PARD3: variants seen among roughly 807,000 people sequenced by gnomAD.
PARD3 encodes the protein par-3 family cell polarity regulator, also known as partitioning defective 3 homolog.
Under a neutral mutation model 155.4 loss-of-function variants are expected in PARD3, and 75 were observed. That is an observed-to-expected ratio of 0.48 (90% CI 0.40 to 0.58). PARD3 has a LOEUF of 0.58. Ranked by LOEUF, PARD3 falls within the 20% of genes least tolerant of loss-of-function variation. The pLI is 0.00. For missense variants in PARD3, 1,642 were observed against 1,721.7 expected (o/e 0.95, Z 0.82); for synonymous variants, 576 against 610.5 (o/e 0.94, Z 0.83).
rs1564626845 is a variant in PARD3, at chr10:34,360,041, AGGC to A, written c.1896+27_1896+29del. 3 of 1,546,146 alleles carry A rather than the reference AGGC, an allele frequency of 1.9e-6. No individual in the cohort carries two copies. The East Asian group carries it at 6.8e-5, about 35-fold the overall frequency. On this transcript the variant is annotated intron_variant, in intron 13 of 24. Transcript: ENST00000374788. ...GGTTGAAATTAAAATTTTTGTTAATAGGCATACGCATGATAAAGTTGACACTCA... is the reference window on the plus strand; with the variant it reads ...GGTTGAAATTAAAATTTTTGTTAATAATACGCATGATAAAGTTGACACTCA...
In PARD3 at chr10:34,263,828, T is replaced by C. The variant is rs551184826; in HGVS notation, c.3419+5829A>G. On this transcript the variant is annotated intron_variant, in intron 22 of 24. Coordinates refer to ENST00000374788, the MANE Select transcript of PARD3 (RefSeq NM_001184785.2). The stretch of plus-strand genomic sequence containing the variant: ...AGAAGACTAGCTGCTGGCAGACATT[T>C]GATTGGTAACATTTCTTTAATTAGA... Among the ~76,000 whole-genome samples the C allele has an allele frequency of 9.2e-5, 14 of 152,330 alleles. No individual in the cohort carries two copies. In the South Asian group the frequency reaches 1.7e-3, roughly 18 times the overall value.
At chr10:34,412,387 C>T (rs936743393) in intron 5 of PARD3, among the ~76,000 whole-genome samples, 2 of 152,188 alleles carry the variant, frequency 1.3e-5, no homozygotes, top group Non-Finnish European at 2.9e-5. Context: ...GTACTCTCTT[C>T]ATTCCTCTCC....
At chr10:34,686,665 TG>T (rs2093958269) in intron 2 of PARD3, among the ~76,000 whole-genome samples, 1 of 150,652 alleles carries the variant, frequency 6.6e-6, no homozygotes, top group Non-Finnish European at 1.5e-5. Context: ...TATCTGAACC[TG>T]GGGGAAGGAG....
chr10:34,112,610 G>C (rs1946444788), intron 24 of PARD3, among the ~76,000 whole-genome samples: 1 of 152,052 alleles, frequency 6.6e-6, no homozygotes, highest in Non-Finnish European at 1.5e-5. Context: ...AGTATGTATT[G>C]CTCAACCCTC....
At chr10:34,720,712 A>C (rs985096491) in intron 1 of PARD3, among the ~76,000 whole-genome samples, 1 of 151,598 alleles carries the variant, frequency 6.6e-6, no homozygotes, top group Non-Finnish European at 1.5e-5. Context: ...CAGGAGAATC[A>C]CTTGAACTAG....
chr10:34,771,199 C>CT (rs1415489809), intron 1 of PARD3, among the ~76,000 whole-genome samples: 1 of 152,202 alleles, frequency 6.6e-6, no homozygotes, highest in Non-Finnish European at 1.5e-5. Flanking sequence ...TTAAAATGTT[C>CT]TGGCTTTTGA....
chr10:34,492,103 A>G (rs1469719259), intron 3 of PARD3, among the ~76,000 whole-genome samples: 2 of 152,202 alleles, frequency 1.3e-5, no homozygotes, highest in African/African-American at 4.8e-5. Context: ...TTTGCTCTGA[A>G]TTAAGTAGGG....
intron 3 of PARD3, among the ~76,000 whole-genome samples, chr10:34,479,143 T>C (rs2078899071): frequency 1.3e-5 from 2 of 151,738 alleles, no homozygotes; most frequent in African/African-American, 4.8e-5. Context: ...TCAGATTCTA[T>C]GATTAGCTCA....
At chr10:34,336,288 T>G (rs761729841) in intron 17 of PARD3, 45 bp from the exon 18 acceptor site, 5 of 1,423,932 alleles carry the variant, frequency 3.5e-6, no homozygotes, top group Non-Finnish European at 9.9e-7. Context: ...TTAGTTCCCA[T>G]AGCCCACCAT....
chr10:34,171,993 C>T (rs1949819416), intron 22 of PARD3, among the ~76,000 whole-genome samples: 1 of 145,780 alleles, frequency 6.9e-6, no homozygotes, highest in Non-Finnish European at 1.5e-5. Flanking sequence ...AATTCAGAGT[C>T]CTCAACCCAA....
chr10:34,483,266 G>T (rs2079209431), intron 3 of PARD3, among the ~76,000 whole-genome samples: 1 of 152,136 alleles, frequency 6.6e-6, no homozygotes, highest in Non-Finnish European at 1.5e-5. Flanking sequence ...TGGATCACTT[G>T]AGCCCAGGAG....
intron 2 of PARD3, among the ~76,000 whole-genome samples, chr10:34,605,445 G>A (rs1434766072): frequency 2.7e-4 from 39 of 145,350 alleles, no homozygotes; most frequent in South Asian, 4.3e-4. Context: ...CGCCCACCTC[G>A]GCCTCCCAAA....
intron 1 of PARD3, among the ~76,000 whole-genome samples, chr10:34,740,373 G>T (rs2094987084): frequency 1.3e-5 from 2 of 152,208 alleles, no homozygotes. Flanking sequence ...CAGTGCATCT[G>T]GTCTCCCTGT....
chr10:34,164,680 C>T (rs1949439012), intron 22 of PARD3, among the ~76,000 whole-genome samples: 1 of 152,174 alleles, frequency 6.6e-6, no homozygotes, highest in Non-Finnish European at 1.5e-5. Flanking sequence ...ATAGTTACAG[C>T]AGAAGACGAC....
chr10:34,678,741 G>C (rs1025938436), intron 2 of PARD3, among the ~76,000 whole-genome samples: 3 of 151,596 alleles, frequency 2.0e-5, no homozygotes, highest in Admixed American at 1.3e-4. Flanking sequence ...AATTAATCAG[G>C]AAACTTTTTC....
intron 1 of PARD3, among the ~76,000 whole-genome samples, chr10:34,755,518 T>G (rs1836602237): frequency 6.6e-6 from 1 of 152,170 alleles, no homozygotes. Context: ...ACTAGCAACT[T>G]GAGAGGTCAT....
chr10:34,442,234 A>G (rs184997735), intron 5 of PARD3, among the ~76,000 whole-genome samples: 1 of 152,328 alleles, frequency 6.6e-6, no homozygotes, highest in African/African-American at 2.4e-5. Flanking sequence ...AACAAACCCA[A>G]AAAACCCACA....
At chr10:34,808,396 G>T (rs1166290890) in intron 1 of PARD3, among the ~76,000 whole-genome samples, 2 of 152,068 alleles carry the variant, frequency 1.3e-5, no homozygotes, top group African/African-American at 4.8e-5. Flanking sequence ...TTTATTCACT[G>T]AACTCGGCAT....
At chr10:34,598,297 C>CAA (rs11392037) in intron 2 of PARD3, among the ~76,000 whole-genome samples, 2,115 of 151,762 alleles carry the variant, frequency 0.014, 59 homozygotes, top group African/African-American at 0.047. Context: ...ACAATTACCA[C>CAA]AAAAAAATGA....
Sources: allele counts gnomAD v4.1 joint callset (sites outside exome capture counted in the v4.1 genomes callset), GRCh38; gene constraint gnomAD v4.1.1; transcripts MANE v1.5; gene names NCBI Gene and HGNC (gene_info 2026-07-23, HGNC 2026-07-21).